The following KAT6B variants were observed in gnomAD, a reference collection of about 807,000 sequenced individuals.
The protein encoded by KAT6B is lysine acetyltransferase 6B.
A neutral mutation model predicts 187.5 loss-of-function variants in KAT6B; 10 were observed. That is an observed-to-expected ratio of 0.05 (90% CI 0.03 to 0.09). The LOEUF (loss-of-function observed/expected upper bound fraction) is 0.09. Among genes scored for constraint, KAT6B ranks in the 10% least tolerant of loss-of-function variants. The pLI is 1.00. For missense variants in KAT6B, 1,952 were observed against 2,558.9 expected (o/e 0.76, Z 5.12); for synonymous variants, 861 against 926.8 (o/e 0.93, Z 1.29).
At chr10:74,866,614 A>G (rs1843570765) in intron 3 of KAT6B, among the ~76,000 whole-genome samples, 2 of 152,190 alleles carry the variant, frequency 1.3e-5, no homozygotes. Flanking sequence ...CTATATCATT[A>G]TTGTAAGTGG....
chr10:74,942,196 CTA>C (rs1849722327), intron 3 of KAT6B, among the ~76,000 whole-genome samples: 1 of 151,986 alleles, frequency 6.6e-6, no homozygotes, highest in African/African-American at 2.4e-5. Flanking sequence ...GAAAAGGAAA[CTA>C]TGGAACATTC....
At chr10:75,022,644 G>A (rs972136699) in intron 16 of KAT6B, among the ~76,000 whole-genome samples, 4 of 152,196 alleles carry the variant, frequency 2.6e-5, no homozygotes, top group Admixed American at 1.3e-4. Context: ...AAGACTCTAA[G>A]CCTGGGTTGG....
At position 74,975,744 on chromosome 10, in the gene KAT6B, T is replaced by C. The variant is rs745394952; in HGVS notation, c.1407T>C (p.Ser469=). ...ACTATCGTCCAAGGAAAAAGGTCTC[T>C]CAGAAACAGTCATGCACTTCTCATG... ...SKHYRPRKKV[S]QKQSCTSHVL... is the part of the protein sequence containing the mutation. The change falls in exon 8 of 18, where the codon TCT becomes TCC. Residue 469 remains serine (S), a synonymous_variant. Coordinates refer to ENST00000287239, the MANE Select transcript of KAT6B (RefSeq NM_012330.4). 2 of 1,614,194 alleles carry C rather than the reference T, an allele frequency of 1.2e-6. No homozygotes were observed. Among genetic ancestry groups the C allele is most frequent in the South Asian group, 1.1e-5 (1 of 91,082 alleles).
chr10:74,965,058 G>T (rs1841365856), intron 4 of KAT6B, among the ~76,000 whole-genome samples: 1 of 152,152 alleles, frequency 6.6e-6, no homozygotes, highest in Non-Finnish European at 1.5e-5. Context: ...AATTTCATAA[G>T]TGGCTATCAG....
In KAT6B at chr10:75,022,091, G is replaced by A. The variant is rs184028635; in HGVS notation, c.3232G>A (p.Glu1078Lys). The change falls in exon 16 of 18, where the codon GAG becomes AAG. Residue 1078 changes from glutamate to lysine, a missense_variant. By Grantham distance (56) the Glu-to-Lys change is moderately conservative. Coordinates refer to ENST00000287239, the MANE Select transcript of KAT6B (RefSeq NM_012330.4). The part of the protein sequence containing the change: ...SSEEEEEEED[E>K]EEEEEEEEEE... Reference sequence around the variant, plus strand: ...TGAAGAAGAAGAGGAGGAGGAGGACGAGGAGGAGGAAGAAGAGGAGGAAGA... The same window carrying A: ...TGAAGAAGAAGAGGAGGAGGAGGACAAGGAGGAGGAAGAAGAGGAGGAAGA... 2.8e-5 allele frequency: 45 copies of A among 1,611,880 alleles called. No homozygotes were observed. Among genetic ancestry groups the A allele is most frequent in the Admixed American group, 1.3e-4 (8 of 59,902 alleles).
chr10:74,912,283 T>C (rs1847270355), intron 3 of KAT6B, among the ~76,000 whole-genome samples: 1 of 152,114 alleles, frequency 6.6e-6, no homozygotes, highest in Non-Finnish European at 1.5e-5. Flanking sequence ...GGAATGTTAA[T>C]TGATTGTCTC....
intron 3 of KAT6B, among the ~76,000 whole-genome samples, chr10:74,906,518 G>GT (rs1222808211): frequency 6.6e-6 from 1 of 152,176 alleles, no homozygotes; most frequent in African/African-American, 2.4e-5. Context: ...TCTCTCTGTA[G>GT]TAAGAGTAGA....
chr10:74,989,146 A>C (rs761112394), intron 13 of KAT6B, 34 bp downstream of exon 13: 3 of 1,479,550 alleles, frequency 2.0e-6, no homozygotes, highest in Non-Finnish European at 2.8e-6. Flanking sequence ...TTCATGATCC[A>C]GGAAGCTGAT....
intron 3 of KAT6B, among the ~76,000 whole-genome samples, chr10:74,955,596 T>C (rs1840631862): frequency 6.6e-6 from 1 of 152,092 alleles, no homozygotes; most frequent in African/African-American, 2.4e-5. Context: ...TTCTGAATCA[T>C]TGGAGAGTAA....
At chr10:74,912,014 C>T (rs1847237142) in intron 3 of KAT6B, among the ~76,000 whole-genome samples, 1 of 151,902 alleles carries the variant, frequency 6.6e-6, no homozygotes, top group Non-Finnish European at 1.5e-5. Flanking sequence ...CTATATTGTC[C>T]AGACTGGTTT....
intron 13 of KAT6B, among the ~76,000 whole-genome samples, chr10:75,002,150 T>C (rs1433196991): frequency 6.6e-6 from 1 of 152,144 alleles, no homozygotes; most frequent in Non-Finnish European, 1.5e-5. Flanking sequence ...TCTAGCAGCC[T>C]CAGGAGCTGT....
intron 3 of KAT6B, among the ~76,000 whole-genome samples, chr10:74,909,244 G>A (rs1241965430): frequency 6.6e-6 from 1 of 152,188 alleles, no homozygotes; most frequent in Non-Finnish European, 1.5e-5. Context: ...GGTGGCATTT[G>A]CCTGTAATCC....
chr10:74,987,337 A>G (rs1205592918), intron 12 of KAT6B, among the ~76,000 whole-genome samples: 2 of 152,014 alleles, frequency 1.3e-5, no homozygotes, highest in Non-Finnish European at 2.9e-5. Context: ...GGAGGCCGAG[A>G]CAGGAGAATC....
intron 3 of KAT6B, among the ~76,000 whole-genome samples, chr10:74,946,511 A>C (rs1157866406): frequency 6.6e-6 from 1 of 152,226 alleles, no homozygotes; most frequent in African/African-American, 2.4e-5. Context: ...AGAACAAATA[A>C]AATTTTGTAT....
intron 13 of KAT6B, among the ~76,000 whole-genome samples, chr10:74,994,389 C>A (rs1280511728): frequency 6.6e-6 from 1 of 152,166 alleles, no homozygotes; most frequent in Non-Finnish European, 1.5e-5. Flanking sequence ...TCTGCCACAG[C>A]ATGATGTTCC....
At chr10:74,916,170 TAAAA>T (rs1847665917) in intron 3 of KAT6B, among the ~76,000 whole-genome samples, 1 of 152,024 alleles carries the variant, frequency 6.6e-6, no homozygotes, top group Non-Finnish European at 1.5e-5. Context: ...TTGAAGAAAA[TAAAA>T]AATAAATAAA....
chr10:74,869,694 C>T (rs1341785406), intron 3 of KAT6B, among the ~76,000 whole-genome samples: 2 of 152,120 alleles, frequency 1.3e-5, no homozygotes, highest in African/African-American at 4.8e-5. Flanking sequence ...TCTTATTAGC[C>T]TTTATTATAG....
intron 3 of KAT6B, among the ~76,000 whole-genome samples, chr10:74,887,490 A>C (rs991837650): frequency 1.8e-4 from 27 of 151,662 alleles, no homozygotes; most frequent in African/African-American, 6.5e-4. Context: ...ATGCCCAGCT[A>C]ATTTTTGTAT....
intron 16 of KAT6B, among the ~76,000 whole-genome samples, chr10:75,023,170 A>G (rs1349332307): frequency 6.6e-6 from 1 of 152,216 alleles, no homozygotes; most frequent in Non-Finnish European, 1.5e-5. Flanking sequence ...GTAACTGCTC[A>G]CCCAGATCTG....
Sources: allele counts gnomAD v4.1 joint callset (sites outside exome capture counted in the v4.1 genomes callset), GRCh38; gene constraint gnomAD v4.1.1; transcripts MANE v1.5; gene names NCBI Gene and HGNC (gene_info 2026-07-23, HGNC 2026-07-21).